Variants in DCDC2 observed in about 807,000 individuals in gnomAD.
The protein encoded by DCDC2 is doublecortin domain-containing protein 2.
DCDC2 carries 40 observed loss-of-function variants against 50.2 expected under a neutral mutation model. The ratio of observed to expected loss-of-function variants is 0.80; its 90% confidence interval spans 0.62 to 1.04. The LOEUF is 1.04. Ranked by LOEUF, DCDC2 falls within the 50% of genes least tolerant of loss-of-function variation. The pLI, the probability that DCDC2 is intolerant of heterozygous loss-of-function variation, is 0.00. For missense variants in DCDC2, 570 were observed against 581.9 expected (o/e 0.98, Z 0.21); for synonymous variants, 234 against 210.6 (o/e 1.11, Z -0.96).
intron 2 of DCDC2, among the ~76,000 whole-genome samples, chr6:24,351,871 C>A (rs1760378440): frequency 6.6e-6 from 1 of 152,214 alleles, no homozygotes; most frequent in East Asian, 1.9e-4. Context: ...TTTGGGAGGC[C>A]AAGGCGGGCG....
chr6:24,323,042 C>G (rs1439270811), intron 2 of DCDC2, among the ~76,000 whole-genome samples: 1 of 152,212 alleles, frequency 6.6e-6, no homozygotes, highest in Non-Finnish European at 1.5e-5. Context: ...AATTAAAGGA[C>G]CATCTACAAA....
chr6:24,322,492 C>CCTT (rs1759790278), intron 2 of DCDC2, among the ~76,000 whole-genome samples: 1 of 142,332 alleles, frequency 7.0e-6, no homozygotes, highest in South Asian at 2.2e-4. Context: ...GTTTTCCTTC[C>CCTT]TTTTTTTTTT....
At chr6:24,342,989 G>T (rs544911972) in intron 2 of DCDC2, among the ~76,000 whole-genome samples, 58 of 151,228 alleles carry the variant, frequency 3.8e-4, no homozygotes, top group African/African-American at 1.2e-3. Flanking sequence ...TGATTGGCAC[G>T]TGAGTCTTTT....
At chr6:24,287,366 A>ATT (rs11400254) in intron 6 of DCDC2, among the ~76,000 whole-genome samples, 112 of 152,090 alleles carry the variant, frequency 7.4e-4, no homozygotes, top group African/African-American at 2.2e-3. Flanking sequence ...ATTTTGTTTC[A>ATT]TTTTTTTGAG....
upstream of DCDC2, among the ~76,000 whole-genome samples, chr6:24,359,380 T>TTA (rs1161591726): frequency 7.0e-4 from 52 of 74,574 alleles, 5 homozygotes; most frequent in Non-Finnish European, 1.1e-3. Flanking sequence ...TATATATATT[T>TTA]TATATATTAT....
At chr6:24,199,869 G>T (rs544518791) in intron 8 of DCDC2, among the ~76,000 whole-genome samples, 10 of 152,050 alleles carry the variant, frequency 6.6e-5, no homozygotes, top group African/African-American at 2.4e-4. Flanking sequence ...TGAAACATAC[G>T]CAAGTATCAA....
intron 7 of DCDC2, among the ~76,000 whole-genome samples, chr6:24,267,195 G>A (rs1763140452): frequency 2.0e-5 from 3 of 152,098 alleles, no homozygotes; most frequent in Admixed American, 1.3e-4. Context: ...TGGTTAATGG[G>A]TACAAAAATA....
chr6:24,220,879 A>AGCGAGTGAGCGAGC (rs1554146328), intron 7 of DCDC2, among the ~76,000 whole-genome samples: 1 of 106,976 alleles, frequency 9.3e-6, no homozygotes, highest in East Asian at 2.6e-4. Flanking sequence ...CAAGAGAGCG[A>AGCGAGTGAGCGAGC]GAGCGAGAGA....
chr6:24,354,640 TGA>T (rs1218429797), intron 1 of DCDC2, among the ~76,000 whole-genome samples: 1 of 152,110 alleles, frequency 6.6e-6, no homozygotes, highest in Non-Finnish European at 1.5e-5. Flanking sequence ...CTGCAGGGGC[TGA>T]GTTTTGAAAT....
intron 7 of DCDC2, among the ~76,000 whole-genome samples, chr6:24,271,700 T>C (rs1763242312): frequency 1.3e-5 from 2 of 152,172 alleles, no homozygotes; most frequent in Non-Finnish European, 2.9e-5. Context: ...GTTTTCCCAC[T>C]GGAAACACCA....
chr6:24,274,808 A>G (rs1763317286), intron 7 of DCDC2, among the ~76,000 whole-genome samples: 1 of 152,040 alleles, frequency 6.6e-6, no homozygotes, highest in African/African-American at 2.4e-5. Flanking sequence ...AAGATAACCT[A>G]TGAAGTCTCT....
intron 8 of DCDC2, among the ~76,000 whole-genome samples, chr6:24,199,253 C>T (rs561456681): frequency 6.6e-6 from 1 of 152,338 alleles, no homozygotes; most frequent in South Asian, 2.1e-4. Context: ...CACCTCATAA[C>T]AGGAGAGCTC....
At chr6:24,223,600 C>A (rs1215036002) in intron 7 of DCDC2, among the ~76,000 whole-genome samples, 1 of 152,198 alleles carries the variant, frequency 6.6e-6, no homozygotes, top group African/African-American at 2.4e-5. Flanking sequence ...GATAGATAAT[C>A]CCCAAAAGAA....
At chr6:24,281,900 A>G (rs1581629411) in intron 6 of DCDC2, among the ~76,000 whole-genome samples, 1 of 152,196 alleles carries the variant, frequency 6.6e-6, no homozygotes, top group Admixed American at 6.5e-5. Context: ...CATTTTATAG[A>G]TAAATAAATT....
In DCDC2 at chr6:24,288,877, A is replaced by G. The variant is rs1164066571; in HGVS notation, c.734T>C (p.Val245Ala). ...GQKASSLPPI[V>A]GSRKSKGSGN... ...ACTCCCTTTAGACTTTCTGGATCCT[A>G]CAATAGGAGGTAGTGAAGAAGCTTT... Residue 245 changes from valine (V) to alanine (A), a missense_variant, in exon 6 of 10, where the codon GTA becomes GCA. Val to Ala is a moderately conservative substitution (Grantham distance 64). Coordinates refer to ENST00000378454, the MANE Select transcript of DCDC2 (RefSeq NM_016356.5). 2 of 1,605,342 alleles carry G rather than the reference A, an allele frequency of 1.2e-6. No individual in the cohort carries two copies. The highest frequency in any genetic ancestry group is 8.5e-7 in the Non-Finnish European group (1 of 1,177,600).
chr6:24,184,577 T>G (rs903488746), intron 8 of DCDC2, among the ~76,000 whole-genome samples: 4 of 11,056 alleles, frequency 3.6e-4, no homozygotes, highest in Non-Finnish European at 8.0e-4. Flanking sequence ...TCTCAAAAAA[T>G]AAAAATAAAA....
chr6:24,302,725 G>A (rs1328830812), intron 2 of DCDC2, among the ~76,000 whole-genome samples: 1 of 152,012 alleles, frequency 6.6e-6, no homozygotes, highest in Non-Finnish European at 1.5e-5. Context: ...CCTGAGACCA[G>A]CTTTCAGCAT....
intron 7 of DCDC2, among the ~76,000 whole-genome samples, chr6:24,263,206 C>T (rs1254294496): frequency 3.3e-5 from 5 of 152,170 alleles, no homozygotes; most frequent in African/African-American, 4.8e-5. Context: ...GCTGCAGTAA[C>T]CAAAGACTTA....
At chr6:24,236,111 C>T (rs1289652599) in intron 7 of DCDC2, among the ~76,000 whole-genome samples, 1 of 151,934 alleles carries the variant, frequency 6.6e-6, no homozygotes, top group Non-Finnish European at 1.5e-5. Flanking sequence ...TCATATGAAC[C>T]AAAATGGAAC....
Sources: gnomAD v4.1 joint callset for allele counts (sites outside exome capture counted in the v4.1 genomes callset) on GRCh38, gnomAD v4.1.1 for gene constraint, MANE v1.5 for transcripts, NCBI Gene and HGNC (gene_info 2026-07-23, HGNC 2026-07-21) for gene names.